The following CLSTN2 variants were observed in gnomAD, a reference collection of about 807,000 sequenced individuals.
The protein encoded by CLSTN2 is calsyntenin 2, also known as calsyntenin-2.
In CLSTN2, 48 loss-of-function variants were observed where a neutral mutation model predicts 101.2. The ratio of observed to expected loss-of-function variants is 0.47; its 90% confidence interval spans 0.38 to 0.60. CLSTN2 has a LOEUF of 0.60. CLSTN2 is among the 20% of genes least tolerant of loss of function. The pLI is 0.00. For synonymous variants in CLSTN2, 481 were observed against 463.6 expected (o/e 1.04, Z -0.48); for missense variants, 1,160 against 1,238.2 (o/e 0.94, Z 0.95).
rs149821668 is a variant in CLSTN2, at chr3:140,212,069, GA to G, written c.232+35997del. On this transcript the variant is annotated intron_variant, in intron 2 of 16. Transcript: ENST00000458420. ...ATCTTCCAAACATCATGGATCTCAT[GA>G]GGGGCCAAAATTCAAACACATTTGC... Among the ~76,000 whole-genome samples, 95 of 152,298 alleles carry G rather than the reference GA, an allele frequency of 6.2e-4. No individual in the cohort carries two copies. In the East Asian group the frequency reaches 0.016, roughly 26 times the overall value.
At chr3:140,452,277 G>T (rs1412351763) in intron 6 of CLSTN2, among the ~76,000 whole-genome samples, 1 of 151,930 alleles carries the variant, frequency 6.6e-6, no homozygotes, top group Admixed American at 6.6e-5. Flanking sequence ...TTCTGCTTCT[G>T]CTTGGTCAGG....
intron 2 of CLSTN2, among the ~76,000 whole-genome samples, chr3:140,287,570 G>C (rs946664740): frequency 5.3e-5 from 8 of 152,096 alleles, no homozygotes; most frequent in Admixed American, 5.2e-4. Context: ...AAATTTTAAA[G>C]GTTGGCCAGT....
intron 1 of CLSTN2, among the ~76,000 whole-genome samples, chr3:140,158,252 G>A (rs1338491910): frequency 6.6e-6 from 1 of 152,132 alleles, no homozygotes; most frequent in Non-Finnish European, 1.5e-5. Context: ...AATAGGAAAA[G>A]AAGTCAAAGT....
At chr3:140,040,819 A>G (rs930120885) in intron 1 of CLSTN2, among the ~76,000 whole-genome samples, 5 of 152,114 alleles carry the variant, frequency 3.3e-5, no homozygotes, top group East Asian at 3.9e-4. Context: ...TGACAGCCCT[A>G]TTGAAGGGGA....
At chr3:140,480,731 G>A (rs1004028456) in intron 8 of CLSTN2, among the ~76,000 whole-genome samples, 4 of 152,160 alleles carry the variant, frequency 2.6e-5, no homozygotes, top group African/African-American at 7.2e-5. Context: ...TCTTTTGCCT[G>A]CATAAATGTC....
intron 1 of CLSTN2, among the ~76,000 whole-genome samples, chr3:140,045,819 G>T (rs1415204547): frequency 6.6e-6 from 1 of 152,148 alleles, no homozygotes; most frequent in Admixed American, 6.6e-5. Flanking sequence ...TCCATGCAGT[G>T]GAGCGGTTTT....
At chr3:140,090,444 C>G (rs1295168841) in intron 1 of CLSTN2, among the ~76,000 whole-genome samples, 7 of 152,054 alleles carry the variant, frequency 4.6e-5, no homozygotes, top group Admixed American at 3.9e-4. Context: ...TGGCCTTTTT[C>G]AGCTCTTTTA....
At chr3:140,418,508 TC>T (rs1559863745) in intron 4 of CLSTN2, among the ~76,000 whole-genome samples, 14 of 69,820 alleles carry the variant, frequency 2.0e-4, no homozygotes, top group African/African-American at 1.1e-3. Flanking sequence ...TTTCTTTCTT[TC>T]TTTCTTTCTT....
intron 1 of CLSTN2, among the ~76,000 whole-genome samples, chr3:139,969,941 C>A (rs62271927): frequency 1.3e-5 from 2 of 152,106 alleles, no homozygotes; most frequent in African/African-American, 4.8e-5. Flanking sequence ...AGTTAGGTAC[C>A]TACAGAGTGA....
intron 2 of CLSTN2, among the ~76,000 whole-genome samples, chr3:140,287,383 G>T (rs1398194436): frequency 3.3e-5 from 5 of 152,186 alleles, no homozygotes; most frequent in Non-Finnish European, 5.9e-5. Flanking sequence ...GGAGTGCATG[G>T]AAGGGTGGAT....
rs114401163 is a variant in CLSTN2 at position 140,496,629 on chromosome 3, T to C, written c.1344+29898T>C. On this transcript the variant is annotated intron_variant, in intron 8 of 16. Transcript: ENST00000458420. ...CATAGATGGCTCTTAGTATTTTTAG[T>C]ATGTTCCTTCAATATCTAGTTTATT... Among the ~76,000 whole-genome samples, 183 of 152,320 alleles carry C rather than the reference T, an allele frequency of 1.2e-3. 1 individual carries two copies. Among genetic ancestry groups the C allele is most frequent in the African/African-American group, 4.4e-3 (181 of 41,564 alleles).
chr3:140,466,620 G>C lies in CLSTN2; in HGVS notation c.1233G>C (p.Arg411=), dbSNP rs759426682. Residue 411 remains arginine, a synonymous_variant, in exon 8 of 17, where the codon CGG becomes CGC. Coordinates refer to ENST00000458420, the MANE Select transcript of CLSTN2 (RefSeq NM_022131.3). The part of the protein sequence containing the change: ...LCNSDKTEMN[R]HHYALYVHNC... ...CTTTCTGCTTTTCAGAAATGAACCG[G>C]CATCACTATGCCCTGTATGTGCACA... 1 of 1,614,080 alleles carries C rather than the reference G, an allele frequency of 6.2e-7. No homozygotes were observed. Among genetic ancestry groups the C allele is most frequent in the Non-Finnish European group, 8.5e-7 (1 of 1,179,988 alleles).
chr3:140,276,844 G>A (rs1055823431), intron 2 of CLSTN2, among the ~76,000 whole-genome samples: 3 of 152,162 alleles, frequency 2.0e-5, no homozygotes, highest in African/African-American at 7.2e-5. Flanking sequence ...GTTGAGTGTG[G>A]CCTCTAGAGG....
intron 1 of CLSTN2, among the ~76,000 whole-genome samples, chr3:140,030,097 T>A (rs941393039): frequency 6.6e-6 from 1 of 152,178 alleles, no homozygotes; most frequent in Non-Finnish European, 1.5e-5. Flanking sequence ...TCAGGAGCTG[T>A]GTGCTGGTAA....
chr3:140,002,543 G>A (rs1017850139), intron 1 of CLSTN2, among the ~76,000 whole-genome samples: 1 of 152,062 alleles, frequency 6.6e-6, no homozygotes. Flanking sequence ...TTCCTTTGCT[G>A]TGCAGAAGCT....
chr3:140,557,632 T>C (rs1266328154), intron 11 of CLSTN2, among the ~76,000 whole-genome samples: 2 of 152,106 alleles, frequency 1.3e-5, no homozygotes, highest in Non-Finnish European at 2.9e-5. Context: ...CTCCCACATT[T>C]CACCCACCCA....
At chr3:140,492,172 T>C (rs1252880566) in intron 8 of CLSTN2, among the ~76,000 whole-genome samples, 2 of 152,118 alleles carry the variant, frequency 1.3e-5, no homozygotes, top group African/African-American at 4.8e-5. Flanking sequence ...TCAAAAGAGA[T>C]GATACCAGGA....
chr3:140,306,424 T>C (rs1046860067), intron 2 of CLSTN2, among the ~76,000 whole-genome samples: 5 of 152,208 alleles, frequency 3.3e-5, no homozygotes, highest in Non-Finnish European at 7.3e-5. Context: ...ACTCAGGTTT[T>C]ATTGCCAACT....
chr3:140,276,721 TG>T (rs1272760854), intron 2 of CLSTN2, among the ~76,000 whole-genome samples: 27 of 152,280 alleles, frequency 1.8e-4, no homozygotes, highest in Non-Finnish European at 3.2e-4. Context: ...TCCCACATCC[TG>T]GGAATATCCT....
Sources: gnomAD v4.1 joint callset for allele counts (sites outside exome capture counted in the v4.1 genomes callset) on GRCh38, gnomAD v4.1.1 for gene constraint, MANE v1.5 for transcripts, NCBI Gene and HGNC (gene_info 2026-07-23, HGNC 2026-07-21) for gene names.